AP3B1: variants seen among roughly 807,000 people sequenced by gnomAD.
AP3B1 encodes the protein AP-3 complex subunit beta-1.
Under a neutral mutation model 132.5 loss-of-function variants are expected in AP3B1, and 61 were observed. That is an observed-to-expected ratio of 0.46 (90% CI 0.37 to 0.57). AP3B1 has a LOEUF of 0.57. Ranked by LOEUF, AP3B1 falls within the 20% of genes least tolerant of loss-of-function variation. The pLI is 0.00. For synonymous variants in AP3B1, 388 were observed against 438.3 expected (o/e 0.89, Z 1.43); for missense variants, 1,120 against 1,289.4 (o/e 0.87, Z 2.01).
chr5:78,115,766 G>A (rs6878689), intron 18 of AP3B1, among the ~76,000 whole-genome samples: 8 of 152,030 alleles, frequency 5.3e-5, no homozygotes, highest in African/African-American at 1.2e-4. Flanking sequence ...TAAACTTTAC[G>A]TTTTTGTAAA....
At chr5:78,274,959 G>T (rs1580578662) in intron 1 of AP3B1, among the ~76,000 whole-genome samples, 1 of 152,038 alleles carries the variant, frequency 6.6e-6, no homozygotes, top group East Asian at 1.9e-4. Context: ...CTTGAGACAG[G>T]AGTCAACAAA....
intron 14 of AP3B1, among the ~76,000 whole-genome samples, chr5:78,149,057 G>A (rs561431032): frequency 5.3e-5 from 8 of 152,120 alleles, no homozygotes; most frequent in East Asian, 3.9e-4. Context: ...TCTACACTGC[G>A]GTAGACATTG....
intron 6 of AP3B1, among the ~76,000 whole-genome samples, chr5:78,219,734 G>A (rs989553102): frequency 6.6e-6 from 1 of 151,952 alleles, no homozygotes; most frequent in Non-Finnish European, 1.5e-5. Context: ...TCCTTAAAAT[G>A]AGAATTATGG....
At chr5:78,143,290 G>A (rs2044479561) in intron 14 of AP3B1, among the ~76,000 whole-genome samples, 2 of 151,878 alleles carry the variant, frequency 1.3e-5, no homozygotes. Context: ...TTGGAATACT[G>A]TAAACACTCA....
chr5:78,117,349 G>A (rs143911319), intron 17 of AP3B1, among the ~76,000 whole-genome samples: 32 of 149,388 alleles, frequency 2.1e-4, no homozygotes, highest in African/African-American at 5.9e-4. Flanking sequence ...TCGCTCCGTC[G>A]CCCAGGCTGG....
At chr5:78,246,736 T>C (rs1158794534) in intron 2 of AP3B1, among the ~76,000 whole-genome samples, 1 of 152,150 alleles carries the variant, frequency 6.6e-6, no homozygotes, top group Non-Finnish European at 1.5e-5. Flanking sequence ...TGTCTACAGG[T>C]TTATCAATTT....
At chr5:78,157,188 C>T (rs1338863855) in intron 13 of AP3B1, among the ~76,000 whole-genome samples, 2 of 152,108 alleles carry the variant, frequency 1.3e-5, no homozygotes, top group Non-Finnish European at 2.9e-5. Flanking sequence ...GTGGCTCACT[C>T]CTGCAGGGTC....
At chr5:78,287,618 C>G (rs74454341) in intron 1 of AP3B1, among the ~76,000 whole-genome samples, 3,391 of 152,176 alleles carry the variant, frequency 0.022, 128 homozygotes, top group African/African-American at 0.075. Context: ...ACTAGTTCAG[C>G]TGCTAGGAAT....
intron 26 of AP3B1, among the ~76,000 whole-genome samples, chr5:78,012,401 A>C (rs990900763): frequency 5.3e-5 from 8 of 152,180 alleles, no homozygotes; most frequent in Non-Finnish European, 1.2e-4. Context: ...TATTAGCAAA[A>C]AGAATGAGAA....
chr5:78,081,400 CG>C (rs908483253), intron 22 of AP3B1, among the ~76,000 whole-genome samples: 17 of 151,140 alleles, frequency 1.1e-4, no homozygotes, highest in African/African-American at 3.9e-4. Flanking sequence ...CTCCGCCTCC[CG>C]GGTTCACGCC....
chr5:78,129,972 T>C (rs1050066030), intron 15 of AP3B1, among the ~76,000 whole-genome samples: 1 of 152,154 alleles, frequency 6.6e-6, no homozygotes, highest in Admixed American at 6.6e-5. Flanking sequence ...AAGCTGCTTA[T>C]AGCCTCTAGT....
At chr5:78,279,563 T>C (rs1408140802) in intron 1 of AP3B1, among the ~76,000 whole-genome samples, 1 of 151,960 alleles carries the variant, frequency 6.6e-6, no homozygotes, top group African/African-American at 2.4e-5. Flanking sequence ...ACATTCTTCC[T>C]ATTCACCATA....
At chr5:78,198,813 C>T (rs1338353799) in intron 7 of AP3B1, among the ~76,000 whole-genome samples, 1 of 152,088 alleles carries the variant, frequency 6.6e-6, no homozygotes, top group African/African-American at 2.4e-5. Flanking sequence ...AAATTAGTTA[C>T]TAAGCAGGAA....
chr5:78,223,897 A>G (rs932400960), intron 6 of AP3B1, among the ~76,000 whole-genome samples: 10 of 152,176 alleles, frequency 6.6e-5, no homozygotes, highest in Non-Finnish European at 1.2e-4. Context: ...AGACATGCAC[A>G]TATTATACAG....
intron 14 of AP3B1, among the ~76,000 whole-genome samples, chr5:78,152,834 CAT>C (rs1753729374): frequency 6.6e-6 from 1 of 152,012 alleles, no homozygotes; most frequent in Admixed American, 6.5e-5. Context: ...GTTTAATTTC[CAT>C]ATGTTTATAT....
chr5:78,181,627 G>A lies in AP3B1; in HGVS notation c.822C>T (p.Tyr274=), dbSNP rs112652327. Residue 274 remains tyrosine (Y), a synonymous_variant, in exon 8 of 27, where the codon TAC becomes TAT. Transcript: ENST00000255194. ...TTTCCTTCTGATCATCATCAGATTCGTAGAAATTCTTTCCATTGTCTTCTA... is the reference window on the plus strand; with the variant it reads ...TTTCCTTCTGATCATCATCAGATTCATAGAAATTCTTTCCATTGTCTTCTA... The part of the protein sequence containing the change: ...DELEDNGKNF[Y]ESDDDQKEKT... 309 of 1,611,960 alleles carry A rather than the reference G, an allele frequency of 1.9e-4. 2 individuals are homozygous for A. Among genetic ancestry groups the A allele is most frequent in the African/African-American group, 1.9e-3 (143 of 74,852 alleles).
At chr5:78,222,046 T>C (rs1033899381) in intron 6 of AP3B1, 2 of 151,890 alleles carry the variant, frequency 1.3e-5, no homozygotes, top group African/African-American at 2.4e-5. Context: ...AACAATATAA[T>C]TAGGCAAGAG....
At chr5:78,160,377 C>G (rs1743340111) in intron 13 of AP3B1, among the ~76,000 whole-genome samples, 2 of 151,956 alleles carry the variant, frequency 1.3e-5, no homozygotes, top group Admixed American at 1.3e-4. Context: ...AATAAATTAC[C>G]TAAGTCAACT....
At chr5:78,040,603 C>T (rs1211496158) in intron 22 of AP3B1, among the ~76,000 whole-genome samples, 1 of 151,982 alleles carries the variant, frequency 6.6e-6, no homozygotes, top group Admixed American at 6.6e-5. Context: ...CATTCTAAAA[C>T]CATGTGATAG....
Sources: allele counts gnomAD v4.1 joint callset (sites outside exome capture counted in the v4.1 genomes callset), GRCh38; gene constraint gnomAD v4.1.1; transcripts MANE v1.5; gene names NCBI Gene and HGNC (gene_info 2026-07-23, HGNC 2026-07-21).